SH3RF1: variants seen among roughly 807,000 people sequenced by gnomAD.
The protein encoded by SH3RF1 is E3 ubiquitin-protein ligase SH3RF1.
Under a neutral mutation model 74.0 loss-of-function variants are expected in SH3RF1, and 32 were observed. That is an observed-to-expected ratio of 0.43 (90% CI 0.33 to 0.58). The LOEUF is 0.58. Among genes scored for constraint, SH3RF1 ranks in the 20% least tolerant of loss-of-function variants. The pLI is 0.05. For missense variants in SH3RF1, 954 were observed against 1,130.9 expected, an observed-to-expected ratio of 0.84 and a Z score of 2.24; for synonymous variants, 396 against 439.6, an observed-to-expected ratio of 0.90 and a Z score of 1.24.
intron 2 of SH3RF1, among the ~76,000 whole-genome samples, chr4:169,242,500 A>G (rs1204024582): frequency 6.6e-6 from 1 of 152,190 alleles, no homozygotes; most frequent in Non-Finnish European, 1.5e-5. Flanking sequence ...TCTCCTGGGA[A>G]ACTTGTTTGA....
chr4:169,200,842 TGA>T (rs1734895602), intron 2 of SH3RF1, among the ~76,000 whole-genome samples: 1 of 152,092 alleles, frequency 6.6e-6, no homozygotes, highest in Admixed American at 6.6e-5. Flanking sequence ...CCATCCCAAC[TGA>T]GATGAGTAAA....
chr4:169,177,908 A>T (rs1385622894), intron 2 of SH3RF1, among the ~76,000 whole-genome samples: 1 of 152,100 alleles, frequency 6.6e-6, no homozygotes, highest in African/African-American at 2.4e-5. Context: ...CATCTCATAT[A>T]TGTGATAGTT....
At chr4:169,263,531 C>T (rs1002761306) in intron 2 of SH3RF1, among the ~76,000 whole-genome samples, 7 of 152,208 alleles carry the variant, frequency 4.6e-5, no homozygotes, top group African/African-American at 1.7e-4. Context: ...TTGCTTTCCA[C>T]ACCAAACCTG....
Position 169,120,922 on chromosome 4 carries a change from A to G in SH3RF1, c.1414T>C (p.Phe472Leu), listed in dbSNP as rs1733426582. 1 of 1,614,166 alleles carries G rather than the reference A, an allele frequency of 6.2e-7. No homozygotes were observed. Among genetic ancestry groups the G allele is most frequent in the Non-Finnish European group, 8.5e-7 (1 of 1,180,004 alleles). ...DELELRKGEM[F>L]LVFERCQDGW... ...TCCTGGCAGCGCTCAAACACTAAAA[A>G]CATCTCCCCTTTTCTCAGCTCTAGT... Residue 472 changes from phenylalanine to leucine, a missense_variant, in exon 8 of 12, where the codon TTT becomes CTT. Physicochemically the swap from Phe to Leu is conservative, Grantham distance 22. Around this residue, in one of 3 missense-constraint regions of SH3RF1, gnomAD observed 854 missense variants for 962.5 expected, o/e 0.89. Coordinates refer to ENST00000284637, the MANE Select transcript of SH3RF1 (RefSeq NM_020870.4).
intron 2 of SH3RF1, among the ~76,000 whole-genome samples, chr4:169,227,148 A>C (rs1423847455): frequency 4.6e-5 from 7 of 152,114 alleles, no homozygotes; most frequent in Non-Finnish European, 8.8e-5. Context: ...CCCGGGTGAC[A>C]GAGCAACACC....
intron 2 of SH3RF1, among the ~76,000 whole-genome samples, chr4:169,255,924 T>C (rs1274904100): frequency 6.6e-6 from 1 of 152,032 alleles, no homozygotes; most frequent in Non-Finnish European, 1.5e-5. Flanking sequence ...CGAGCCACCA[T>C]GCCAAGCTAA....
chr4:169,193,735 C>T (rs890638180), intron 2 of SH3RF1, among the ~76,000 whole-genome samples: 11 of 152,140 alleles, frequency 7.2e-5, no homozygotes, highest in African/African-American at 2.7e-4. Flanking sequence ...AGGAAAGGTC[C>T]CTCAGCCTGG....
At chr4:169,213,748 C>T (rs1016225891) in intron 2 of SH3RF1, among the ~76,000 whole-genome samples, 1 of 152,180 alleles carries the variant, frequency 6.6e-6, no homozygotes, top group Non-Finnish European at 1.5e-5. Flanking sequence ...CCAGTTACTC[C>T]AGCAGCCATT....
intron 2 of SH3RF1, among the ~76,000 whole-genome samples, chr4:169,183,920 A>G (rs1734558143): frequency 6.6e-6 from 1 of 152,238 alleles, no homozygotes; most frequent in South Asian, 2.1e-4. Context: ...TGAGACTACA[A>G]AGATAAAGCT....
At position 169,145,835 on chromosome 4, in the gene SH3RF1, ATG is replaced by A. The variant is rs1205720761; in HGVS notation, c.766-9217_766-9216del. Among the ~76,000 whole-genome samples the A allele has an allele frequency of 6.0e-5, 8 of 134,016 alleles. 2 individuals carry two copies. Among genetic ancestry groups the A allele is most frequent in the East Asian group, 2.1e-4 (1 of 4,844 alleles). The allele number at this position is 134,016 out of a possible 152,430, so 87.9% of individuals were successfully genotyped here. A position where few individuals can be genotyped will look rare whatever the true frequency, so the allele number is the denominator to read the frequency against. On this transcript the variant is annotated intron_variant, in intron 4 of 11. Transcript: ENST00000284637. Reference sequence around the variant, plus strand: ...TTCTATATATTATTCTATATAAAATATGTATTCTATATATTATTCTATATAAA... The same window carrying A: ...TTCTATATATTATTCTATATAAAATATATTCTATATATTATTCTATATAAA...
intron 2 of SH3RF1, among the ~76,000 whole-genome samples, chr4:169,211,644 C>T (rs955090415): frequency 1.3e-5 from 2 of 152,144 alleles, no homozygotes; most frequent in South Asian, 2.1e-4. Context: ...TGAAGGCCTG[C>T]GTGCTTCTAG....
Position 169,136,536 on chromosome 4 carries a change from C to A in SH3RF1, c.850G>T (p.Ala284Ser). 1 of 1,609,878 alleles carries A rather than the reference C, an allele frequency of 6.2e-7. No homozygotes were observed. Residue 284 changes from alanine (A) to serine (S), a missense_variant, in exon 5 of 12, where the codon GCC becomes TCC. Ala to Ser is a moderately conservative substitution (Grantham distance 99, BLOSUM62 1). Transcript: ENST00000284637. ...TGCTTTGGGGCAGTGCTGCTCTGGG[C>A]TGCTGCCGAGGAACATTCTCCAGCA... Reference protein sequence around the residue: ...VDAGECSSAAAQSSTAPKHSD... With the variant: ...VDAGECSSAASQSSTAPKHSD...
At chr4:169,236,115 C>T (rs1730819334) in intron 2 of SH3RF1, among the ~76,000 whole-genome samples, 3 of 152,230 alleles carry the variant, frequency 2.0e-5, no homozygotes, top group Admixed American at 2.0e-4. Flanking sequence ...AGCCCAACTG[C>T]CCAGATCCCA....
intron 2 of SH3RF1, among the ~76,000 whole-genome samples, chr4:169,202,997 C>T (rs1266783061): frequency 1.3e-5 from 2 of 152,096 alleles, no homozygotes; most frequent in East Asian, 3.8e-4. Flanking sequence ...TTGGGATAGA[C>T]AGCTCTTGGA....
At chr4:169,183,373 C>T (rs111828535) in intron 2 of SH3RF1, among the ~76,000 whole-genome samples, 39 of 152,218 alleles carry the variant, frequency 2.6e-4, no homozygotes, top group South Asian at 2.1e-3. Context: ...CTCCGCCTCC[C>T]GGGTTCAAGT....
intron 2 of SH3RF1, among the ~76,000 whole-genome samples, chr4:169,178,889 T>C (rs946171020): frequency 6.6e-5 from 10 of 152,224 alleles, no homozygotes; most frequent in Non-Finnish European, 1.0e-4. Context: ...TTTTAGGTAA[T>C]ATCAAGTTAC....
At chr4:169,185,748 T>C (rs538587765) in intron 2 of SH3RF1, among the ~76,000 whole-genome samples, 1 of 151,946 alleles carries the variant, frequency 6.6e-6, no homozygotes, top group African/African-American at 2.4e-5. Context: ...TTCAGAAGAG[T>C]CTGTGCTAAT....
intron 2 of SH3RF1, among the ~76,000 whole-genome samples, chr4:169,208,695 C>T (rs1301224041): frequency 6.6e-6 from 1 of 151,950 alleles, no homozygotes; most frequent in Non-Finnish European, 1.5e-5. Flanking sequence ...CTGCATCAGG[C>T]TTGGCATCAA....
At chr4:169,256,448 T>C (rs1731196051) in intron 2 of SH3RF1, among the ~76,000 whole-genome samples, 1 of 152,228 alleles carries the variant, frequency 6.6e-6, no homozygotes, top group African/African-American at 2.4e-5. Flanking sequence ...AACTATCTTA[T>C]GTAGTCACTA....
Sources: allele counts gnomAD v4.1 joint callset (sites outside exome capture counted in the v4.1 genomes callset), GRCh38; gene constraint gnomAD v4.1.1; regional missense constraint gnomAD v4.1.1; transcripts MANE v1.5; gene names NCBI Gene and HGNC (gene_info 2026-07-23, HGNC 2026-07-21).